Variants in DRC11 observed in about 807,000 individuals in gnomAD.
DRC11 encodes IQ and AAA domain-containing protein 1.
the DRC11 span, among the ~76,000 whole-genome samples, chr2:236,325,683 A>G: frequency 6.6e-6 from 1 of 151,346 alleles, no homozygotes; most frequent in African/African-American, 2.4e-5. This position sits in a 1 kb window ranked among gnomAD's most constrained non-coding sequence, Gnocchi z 4.4. Flanking sequence ...GCTCACTGCA[A>G]CCTCTACCTC....
chr2:236,358,209 T>C, the DRC11 span, among the ~76,000 whole-genome samples: 2 of 127,806 alleles, frequency 1.6e-5, no homozygotes, highest in Non-Finnish European at 3.1e-5. Context: ...ATATACTATA[T>C]GAATATATTA....
the DRC11 span, among the ~76,000 whole-genome samples, chr2:236,362,193 C>T: frequency 6.6e-6 from 1 of 152,072 alleles, no homozygotes; most frequent in Non-Finnish European, 1.5e-5. The surrounding 1 kb of genome is among the most constrained non-coding windows in gnomAD (Gnocchi z 5.7). Flanking sequence ...TTTTGAAATA[C>T]TAAAAAATAT....
At chr2:236,498,477 G>A in the DRC11 span, among the ~76,000 whole-genome samples, 141 of 106,870 alleles carry the variant, frequency 1.3e-3, no homozygotes, top group African/African-American at 9.8e-3. Flanking sequence ...AAAAAAAAAA[G>A]AGTGAGGTGA....
the DRC11 span, among the ~76,000 whole-genome samples, chr2:236,350,726 T>A: frequency 2.0e-5 from 3 of 152,216 alleles, no homozygotes; most frequent in Non-Finnish European, 2.9e-5. This position sits in a 1 kb window ranked among gnomAD's most constrained non-coding sequence, Gnocchi z 5.2. Context: ...TGCCTATTCC[T>A]TGACCTGTAC....
the DRC11 span, among the ~76,000 whole-genome samples, chr2:236,312,487 C>T: frequency 6.6e-6 from 1 of 152,084 alleles, no homozygotes; most frequent in South Asian, 2.1e-4. Context: ...TAAGTATAGC[C>T]TAAAATGCAT....
the DRC11 span, among the ~76,000 whole-genome samples, chr2:236,320,838 C>A: frequency 6.6e-6 from 1 of 151,856 alleles, no homozygotes; most frequent in African/African-American, 2.4e-5. Context: ...GCCGGTACCC[C>A]CCCGCCCCCC....
the DRC11 span, among the ~76,000 whole-genome samples, chr2:236,372,154 T>C: frequency 1.3e-5 from 2 of 152,180 alleles, no homozygotes; most frequent in African/African-American, 4.8e-5. The surrounding 1 kb of genome is among the most constrained non-coding windows in gnomAD (Gnocchi z 4.5). Flanking sequence ...CTCGTTTTTA[T>C]TATTATTTTT....
the DRC11 span, among the ~76,000 whole-genome samples, chr2:236,458,832 G>A: frequency 6.6e-6 from 1 of 152,110 alleles, no homozygotes; most frequent in African/African-American, 2.4e-5. Flanking sequence ...GATTACCTGA[G>A]GTCAGGAGTT....
chr2:236,389,627 G>A, the DRC11 span, among the ~76,000 whole-genome samples: 1 of 152,184 alleles, frequency 6.6e-6, no homozygotes, highest in Non-Finnish European at 1.5e-5. Context: ...CGTCTTCTGC[G>A]TCGCTCACAC....
At chr2:236,423,480 G>A in the DRC11 span, among the ~76,000 whole-genome samples, 28 of 152,336 alleles carry the variant, frequency 1.8e-4, 2 homozygotes, top group African/African-American at 6.7e-4. Flanking sequence ...TCTGAGAAAT[G>A]CAAATCAAAA....
the DRC11 span, among the ~76,000 whole-genome samples, chr2:236,420,820 A>G: frequency 6.6e-6 from 1 of 152,142 alleles, no homozygotes; most frequent in Non-Finnish European, 1.5e-5. The surrounding 1 kb of genome is among the most constrained non-coding windows in gnomAD (Gnocchi z 4.8). Flanking sequence ...AAAAAAACAA[A>G]ACAAAACAGA....
chr2:236,465,220 C>T, the DRC11 span, among the ~76,000 whole-genome samples: 1 of 152,186 alleles, frequency 6.6e-6, no homozygotes, highest in East Asian at 1.9e-4. This position sits in a 1 kb window ranked among gnomAD's most constrained non-coding sequence, Gnocchi z 6.2. Context: ...ATTTCTGGGT[C>T]CCCTGACTTT....
At chr2:236,481,815 T>C in the DRC11 span, among the ~76,000 whole-genome samples, 1 of 151,490 alleles carries the variant, frequency 6.6e-6, no homozygotes, top group African/African-American at 2.4e-5. Context: ...ACACTTTAGT[T>C]GAAATCTATA....
chr2:236,400,613 G>A, the DRC11 span, among the ~76,000 whole-genome samples: 15 of 152,322 alleles, frequency 9.8e-5, no homozygotes, highest in East Asian at 2.7e-3. This position sits in a 1 kb window ranked among gnomAD's most constrained non-coding sequence, Gnocchi z 7.9. Flanking sequence ...TTGGTCCTCG[G>A]GTTCCCGAAG....
chr2:236,459,663 ACG>A, the DRC11 span, among the ~76,000 whole-genome samples: 1 of 145,830 alleles, frequency 6.9e-6, no homozygotes, highest in African/African-American at 2.5e-5. Context: ...GTATATACAT[ACG>A]TATATACGTA....
the DRC11 span, among the ~76,000 whole-genome samples, chr2:236,384,129 G>A: frequency 6.6e-6 from 1 of 151,196 alleles, no homozygotes; most frequent in Non-Finnish European, 1.5e-5. Flanking sequence ...AAACATACGT[G>A]TGCATGTGTC....
the DRC11 span, among the ~76,000 whole-genome samples, chr2:236,398,620 A>T: frequency 6.6e-6 from 1 of 152,194 alleles, no homozygotes; most frequent in South Asian, 2.1e-4. This position sits in a 1 kb window ranked among gnomAD's most constrained non-coding sequence, Gnocchi z 6.2. Flanking sequence ...TCTTGAGGGC[A>T]CAGTAGAACC....
At chr2:236,348,703 G>A in the DRC11 span, among the ~76,000 whole-genome samples, 3,522 of 152,268 alleles carry the variant, frequency 0.023, 54 homozygotes, top group Middle Eastern at 0.037. This position sits in a 1 kb window ranked among gnomAD's most constrained non-coding sequence, Gnocchi z 7.4. Flanking sequence ...GTGTTGTCTG[G>A]CGTTAGCAGT....
chr2:236,378,051 G>A, the DRC11 span, among the ~76,000 whole-genome samples: 1 of 152,150 alleles, frequency 6.6e-6, no homozygotes, highest in Admixed American at 6.5e-5. Flanking sequence ...TGACTGTCCT[G>A]TGATCCAAGT....
Sources: allele counts gnomAD v4.1 joint callset (sites outside exome capture counted in the v4.1 genomes callset), GRCh38; gene constraint gnomAD v4.1.1; non-coding constraint Gnocchi (gnomAD v3.1); transcripts MANE v1.5; gene names NCBI Gene and HGNC (gene_info 2026-07-23, HGNC 2026-07-21).